The following FAM13A variants were observed in gnomAD, a reference collection of about 807,000 sequenced individuals.
FAM13A encodes the protein family with sequence similarity 13 member A, also known as protein FAM13A.
A neutral mutation model predicts 129.6 loss-of-function variants in FAM13A; 76 were observed. The observed-to-expected ratio is 0.59, with a 90% CI of 0.49 to 0.71. The LOEUF is 0.71. Among genes scored for constraint, FAM13A ranks in the 30% least tolerant of loss-of-function variants. The pLI, the probability that FAM13A is intolerant of heterozygous loss-of-function variation, is 0.00. For missense variants in FAM13A, 1,108 were observed against 1,249.3 expected (o/e 0.89, Z 1.70); for synonymous variants, 443 against 449.9 (o/e 0.98, Z 0.20).
At chr4:88,839,421 T>C (rs896544209) in intron 7 of FAM13A, among the ~76,000 whole-genome samples, 1 of 152,262 alleles carries the variant, frequency 6.6e-6, no homozygotes, top group Non-Finnish European at 1.5e-5. Context: ...GCAAATAAAA[T>C]TGAAGTTCCT....
intron 4 of FAM13A, among the ~76,000 whole-genome samples, chr4:88,961,331 G>C (rs1385273411): frequency 8.1e-6 from 1 of 123,494 alleles, no homozygotes; most frequent in Non-Finnish European, 1.7e-5. Flanking sequence ...CAAATCCTCA[G>C]CTTTGTGGAA....
chr4:88,988,552 T>C (rs1239498532), intron 4 of FAM13A, among the ~76,000 whole-genome samples: 6 of 152,204 alleles, frequency 3.9e-5, no homozygotes, highest in African/African-American at 1.4e-4. Context: ...TATACAGACA[T>C]AAAATGCATT....
chr4:88,872,387 G>C (rs192778745), intron 6 of FAM13A, among the ~76,000 whole-genome samples: 1 of 152,114 alleles, frequency 6.6e-6, no homozygotes, highest in East Asian at 1.9e-4. Context: ...GTATTCAGTA[G>C]ACCCATCTCA....
chr4:88,857,754 G>T (rs1360160106), intron 6 of FAM13A, among the ~76,000 whole-genome samples: 4 of 151,734 alleles, frequency 2.6e-5, no homozygotes, highest in Admixed American at 2.6e-4. Context: ...GCCCCTCTCA[G>T]CTCCTCTCTC....
chr4:88,842,025 A>G (rs1478978305), intron 7 of FAM13A, among the ~76,000 whole-genome samples: 2 of 152,254 alleles, frequency 1.3e-5, no homozygotes, highest in Admixed American at 6.5e-5. Context: ...TAATGAGTGG[A>G]TAAGCAAAAT....
At chr4:88,976,668 G>GTAGTGTTTATAAAGTT (rs1553912173) in intron 4 of FAM13A, among the ~76,000 whole-genome samples, 2,286 of 150,636 alleles carry the variant, frequency 0.015, 61 homozygotes, top group African/African-American at 0.053. Flanking sequence ...TAGCCTAAGT[G>GTAGTGTTTATAAAGTT]TACAGTAGTG....
chr4:89,057,028 A>T lies in FAM13A; in HGVS notation c.-64T>A. On this transcript the variant is annotated 5_prime_UTR_variant, in exon 1 of 24. Transcript: ENST00000264344. The stretch of plus-strand genomic sequence containing the variant: ...ACGAAAATATTAAAACGACAGCAAA[A>T]TACTAAAATTCCATTCAGCACATAT... The T allele has an allele frequency of 6.2e-7, 1 of 1,606,262 alleles. No individual in the cohort carries two copies. The highest frequency in any genetic ancestry group is 8.5e-7 in the Non-Finnish European group (1 of 1,177,660).
chr4:88,982,223 A>G (rs1171822665), intron 4 of FAM13A, among the ~76,000 whole-genome samples: 1 of 152,238 alleles, frequency 6.6e-6, no homozygotes, highest in Non-Finnish European at 1.5e-5. Flanking sequence ...TAACAAGCAT[A>G]CTCAATACTG....
intron 3 of FAM13A, among the ~76,000 whole-genome samples, chr4:89,004,155 G>T (rs533033068): frequency 1.3e-3 from 205 of 152,066 alleles, no homozygotes; most frequent in African/African-American, 4.7e-3. Flanking sequence ...TTTCTTTTTT[G>T]TAAGATGGAG....
intron 6 of FAM13A, among the ~76,000 whole-genome samples, chr4:88,887,062 C>T (rs1384592735): frequency 1.3e-5 from 2 of 152,096 alleles, no homozygotes; most frequent in African/African-American, 2.4e-5. Context: ...AATCAAACAT[C>T]GTATGTTCTC....
chr4:89,034,005 C>T (rs1024449896), intron 1 of FAM13A, among the ~76,000 whole-genome samples: 7 of 152,022 alleles, frequency 4.6e-5, no homozygotes, highest in East Asian at 1.9e-4. Flanking sequence ...AATATCCTTG[C>T]GAACATCAGG....
chr4:88,873,499 A>T (rs1341987524), intron 6 of FAM13A, among the ~76,000 whole-genome samples: 1 of 152,238 alleles, frequency 6.6e-6, no homozygotes, highest in Non-Finnish European at 1.5e-5. Context: ...ACCATCAGAG[A>T]ATACTATAAA....
intron 6 of FAM13A, among the ~76,000 whole-genome samples, chr4:88,879,381 A>G (rs1295844349): frequency 3.3e-5 from 5 of 152,232 alleles, no homozygotes; most frequent in African/African-American, 9.6e-5. Context: ...GGGAAGTAAT[A>G]TAAGGGTAAA....
intron 4 of FAM13A, chr4:88,989,794 A>T (rs779072115): frequency 2.0e-5 from 3 of 152,110 alleles, no homozygotes; most frequent in Non-Finnish European, 4.4e-5. Context: ...TGAGGTATGG[A>T]TCTGTGTTTA....
intron 4 of FAM13A, among the ~76,000 whole-genome samples, chr4:88,948,245 A>G (rs2869968): frequency 0.28 from 42,787 of 152,056 alleles, 7,071 homozygotes; most frequent in Middle Eastern, 0.41. Flanking sequence ...CACAACTCAT[A>G]TAGTGTAGGT....
At chr4:88,778,890 C>A (rs1484659382) in intron 11 of FAM13A, among the ~76,000 whole-genome samples, 2 of 152,156 alleles carry the variant, frequency 1.3e-5, no homozygotes, top group African/African-American at 4.8e-5. Flanking sequence ...TGCCTCAGAG[C>A]CCTTGCACCT....
At position 88,771,910 on chromosome 4, in the gene FAM13A, T is replaced by A. The variant is rs367744658; in HGVS notation, c.1459-3851A>T. On this transcript the variant is annotated intron_variant, in intron 11 of 23. Coordinates refer to ENST00000264344, the MANE Select transcript of FAM13A (RefSeq NM_014883.4). The stretch of plus-strand genomic sequence containing the variant: ...TTAATTATAAAGATAAACTCAAGTC[T>A]AAAAGAGCAAAAGCCTTGATAAAAG... Among the ~76,000 whole-genome samples the A allele has an allele frequency of 5.3e-4, 81 of 152,304 alleles. 1 individual carries two copies. In the South Asian group the frequency reaches 6.2e-3, roughly 12 times the overall value.
chr4:88,921,598 T>C (rs1173458504), intron 5 of FAM13A, among the ~76,000 whole-genome samples: 3 of 152,204 alleles, frequency 2.0e-5, no homozygotes, highest in Non-Finnish European at 4.4e-5. Flanking sequence ...TGCAAAATCA[T>C]GCCAAAATGT....
At chr4:88,887,556 A>T (rs954598457) in intron 6 of FAM13A, among the ~76,000 whole-genome samples, 2 of 144,208 alleles carry the variant, frequency 1.4e-5, no homozygotes, top group Non-Finnish European at 3.0e-5. Flanking sequence ...TTTGAGACAG[A>T]GTCTCCCTCT....
Sources: gnomAD v4.1 joint callset for allele counts (sites outside exome capture counted in the v4.1 genomes callset) on GRCh38, gnomAD v4.1.1 for gene constraint, MANE v1.5 for transcripts, NCBI Gene and HGNC (gene_info 2026-07-23, HGNC 2026-07-21) for gene names.